Variants in ERC2 observed in about 807,000 individuals in gnomAD.
The protein encoded by ERC2 is ELKS/RAB6-interacting/CAST family member 2.
Under a neutral mutation model 114.8 loss-of-function variants are expected in ERC2, and 42 were observed. The ratio of observed to expected loss-of-function variants is 0.37; its 90% CI spans 0.29 to 0.47. ERC2 has a LOEUF of 0.47. Ranked by LOEUF, ERC2 falls within the 20% of genes least tolerant of loss-of-function variation. The pLI is 0.99. For missense variants in ERC2, 939 were observed against 1,150.7 expected (o/e 0.82, Z 2.66); for synonymous variants, 454 against 425.5 (o/e 1.07, Z -0.82).
At chr3:55,893,822 A>T (rs974519406) in intron 13 of ERC2, among the ~76,000 whole-genome samples, 1 of 152,192 alleles carries the variant, frequency 6.6e-6, no homozygotes, top group Non-Finnish European at 1.5e-5. Flanking sequence ...TTATGCATGC[A>T]TACACATATG....
intron 3 of ERC2, among the ~76,000 whole-genome samples, chr3:56,251,431 C>T (rs1334167084): frequency 6.6e-6 from 1 of 152,088 alleles, no homozygotes; most frequent in African/African-American, 2.4e-5. Context: ...GCCTTAAAAT[C>T]AATTTAATAA....
intron 17 of ERC2, among the ~76,000 whole-genome samples, chr3:55,596,408 C>T (rs977391849): frequency 2.0e-5 from 3 of 151,596 alleles, no homozygotes; most frequent in East Asian, 1.9e-4. Context: ...ATAGTGAGAC[C>T]CCATCTCTAC....
At chr3:55,655,950 T>C (rs2060840170) in intron 17 of ERC2, among the ~76,000 whole-genome samples, 1 of 152,188 alleles carries the variant, frequency 6.6e-6, no homozygotes, top group African/African-American at 2.4e-5. Flanking sequence ...ATGTTTTATC[T>C]GAGGAAACTG....
Position 56,080,776 on chromosome 3 carries a change from T to G in ERC2, c.1641+41A>C, listed in dbSNP as rs1241551686. 1.3e-6 allele frequency: 2 copies of G among 1,584,756 alleles called. 1 individual carries two copies. The highest frequency in any genetic ancestry group is 2.3e-5 in the South Asian group (2 of 87,354). On this transcript the variant is annotated intron_variant, in intron 7 of 17. Transcript: ENST00000288221. ...AAAATTTTTCTAAAATGACAAAACATGGATGATACCCCACTTGAAGGTCTT... is the reference window on the plus strand; with the variant it reads ...AAAATTTTTCTAAAATGACAAAACAGGGATGATACCCCACTTGAAGGTCTT...
intron 12 of ERC2, among the ~76,000 whole-genome samples, chr3:55,961,751 G>C (rs762193309): frequency 4.6e-5 from 7 of 150,612 alleles, no homozygotes; most frequent in Non-Finnish European, 8.8e-5. Flanking sequence ...CATGAATTAA[G>C]TTTGCTCTCT....
chr3:55,948,099 C>T (rs948842702), intron 13 of ERC2, among the ~76,000 whole-genome samples: 1 of 152,224 alleles, frequency 6.6e-6, no homozygotes, highest in African/African-American at 2.4e-5. Flanking sequence ...AGCATAGTCA[C>T]TCTATCTTCA....
chr3:55,837,593 G>T (rs1477494406), intron 14 of ERC2, among the ~76,000 whole-genome samples: 1 of 132,028 alleles, frequency 7.6e-6, no homozygotes, highest in Admixed American at 8.1e-5. Flanking sequence ...ATCACACTCT[G>T]GGGACTGTTG....
chr3:56,081,977 A>T (rs2077256876), intron 6 of ERC2, among the ~76,000 whole-genome samples: 1 of 152,214 alleles, frequency 6.6e-6, no homozygotes, highest in South Asian at 2.1e-4. Context: ...GTCCTTAATT[A>T]TCGACAATGA....
chr3:55,630,762 C>G (rs1000614065), intron 17 of ERC2, among the ~76,000 whole-genome samples: 1 of 152,132 alleles, frequency 6.6e-6, no homozygotes, highest in Non-Finnish European at 1.5e-5. Flanking sequence ...AGGTTTTACA[C>G]AAAGATTTTT....
chr3:56,269,916 C>T (rs1424080184), intron 3 of ERC2, among the ~76,000 whole-genome samples: 1 of 152,066 alleles, frequency 6.6e-6, no homozygotes, highest in East Asian at 1.9e-4. Context: ...AAAAAAGCTC[C>T]TTTTTCCCAC....
intron 2 of ERC2, among the ~76,000 whole-genome samples, chr3:56,319,016 G>A (rs1018818092): frequency 1.3e-5 from 2 of 150,732 alleles, no homozygotes; most frequent in Non-Finnish European, 1.5e-5. Flanking sequence ...CGGAGAAATT[G>A]GAACCCTTGT....
At chr3:55,668,537 G>T (rs2061441102) in intron 17 of ERC2, among the ~76,000 whole-genome samples, 1 of 152,172 alleles carries the variant, frequency 6.6e-6, no homozygotes, top group Admixed American at 6.5e-5. Context: ...AGTCTCACAG[G>T]ACTCCATTGG....
At chr3:55,611,841 G>C (rs1210374781) in intron 17 of ERC2, among the ~76,000 whole-genome samples, 1 of 152,172 alleles carries the variant, frequency 6.6e-6, no homozygotes, top group African/African-American at 2.4e-5. Flanking sequence ...ATTTGGATAA[G>C]AGCTAACATT....
chr3:56,171,185 G>A (rs1053473034), intron 4 of ERC2, among the ~76,000 whole-genome samples: 17 of 152,174 alleles, frequency 1.1e-4, no homozygotes, highest in African/African-American at 4.1e-4. Context: ...AGTTCGATTT[G>A]GTAGTCAACT....
chr3:56,140,615 T>C (rs2080798915), intron 5 of ERC2, among the ~76,000 whole-genome samples: 1 of 152,192 alleles, frequency 6.6e-6, no homozygotes, highest in African/African-American at 2.4e-5. Context: ...TTTGCTACTA[T>C]AAAAAATGCT....
At chr3:55,852,361 C>T (rs546880808) in intron 14 of ERC2, 1 of 154,532 alleles carries the variant, frequency 6.5e-6, no homozygotes, top group Non-Finnish European at 1.5e-5. Context: ...AATACAAATC[C>T]CTTATTTTAT....
intron 15 of ERC2, among the ~76,000 whole-genome samples, chr3:55,702,792 C>T (rs1009025950): frequency 2.0e-5 from 3 of 152,222 alleles, no homozygotes; most frequent in East Asian, 1.9e-4. Flanking sequence ...TTGAGGTGCC[C>T]GCTGAAAAGC....
At chr3:56,176,173 G>A (rs1164213612) in intron 3 of ERC2, among the ~76,000 whole-genome samples, 2 of 152,138 alleles carry the variant, frequency 1.3e-5, no homozygotes, top group East Asian at 1.9e-4. Context: ...TCTGATACCA[G>A]GTGGCATCAA....
At chr3:55,933,586 G>T (rs2066255684) in intron 13 of ERC2, among the ~76,000 whole-genome samples, 1 of 152,110 alleles carries the variant, frequency 6.6e-6, no homozygotes, top group African/African-American at 2.4e-5. Flanking sequence ...TACTCTTCAG[G>T]GATCCTGCCT....
Sources: gnomAD v4.1 joint callset for allele counts (sites outside exome capture counted in the v4.1 genomes callset) on GRCh38, gnomAD v4.1.1 for gene constraint, MANE v1.5 for transcripts, NCBI Gene and HGNC (gene_info 2026-07-23, HGNC 2026-07-21) for gene names.